Variants in PCDHGB3 observed in about 807,000 individuals in gnomAD.
PCDHGB3 encodes the protein protocadherin gamma subfamily B, 3.
In PCDHGB3, 40 loss-of-function variants were observed where a neutral mutation model predicts 59.2. That is an observed-to-expected ratio of 0.68 (90% CI 0.52 to 0.88). The LOEUF is 0.88. Among genes scored for constraint, PCDHGB3 ranks in the 40% least tolerant of loss-of-function variants. The pLI is 0.00. For missense variants in PCDHGB3, 1,309 were observed against 1,187.9 expected, an observed-to-expected ratio of 1.10 and a Z score of -1.50; for synonymous variants, 581 against 503.6, an observed-to-expected ratio of 1.15 and a Z score of -2.06.
chr5:141,472,263 C>T (rs978647191), intron 1 of PCDHGB3, among the ~76,000 whole-genome samples: 7 of 152,144 alleles, frequency 4.6e-5, no homozygotes, highest in South Asian at 2.1e-4. Flanking sequence ...ATATTATAGC[C>T]GGGCACAGTG....
intron 1 of PCDHGB3, among the ~76,000 whole-genome samples, chr5:141,382,313 T>G (rs1490254305): frequency 1.3e-5 from 2 of 152,226 alleles, no homozygotes; most frequent in African/African-American, 4.8e-5. Flanking sequence ...TTATATACAC[T>G]GATGTAAATA....
intron 1 of PCDHGB3, chr5:141,375,758 G>C (rs1473514742): frequency 1.2e-6 from 2 of 1,614,230 alleles, no homozygotes; most frequent in East Asian, 2.2e-5. Flanking sequence ...GAATGACAAT[G>C]CGCCCGAGAT....
In PCDHGB3 at chr5:141,476,299, C is replaced by G; in HGVS notation, c.2416-18508C>G. On this transcript the variant is annotated intron_variant, in intron 1 of 3. Transcript: ENST00000576222. This position sits in a 1 kb window ranked among gnomAD's most constrained non-coding sequence, Gnocchi z 7.6. The stretch of plus-strand genomic sequence containing the variant: ...ACCTTGGTTTGGATCTCGGTAGCCT[C>G]TCAGCCCGCAGGTTCCGGGTGGTGT... The G allele has an allele frequency of 6.2e-7, 1 of 1,614,100 alleles. No individual in the cohort carries two copies. The highest frequency in any genetic ancestry group is 8.5e-7 in the Non-Finnish European group (1 of 1,180,014).
intron 1 of PCDHGB3, among the ~76,000 whole-genome samples, chr5:141,482,530 C>CAAAAAAAAAAAAAA (rs3074545): frequency 1.2e-4 from 9 of 76,558 alleles, no homozygotes; most frequent in African/African-American, 3.8e-4. Flanking sequence ...GACAGACATG[C>CAAAAAAAAAAAAAA]AAAAAAAAAA....
chr5:141,377,482 G>C (rs1774042121), intron 1 of PCDHGB3: 1 of 152,036 alleles, frequency 6.6e-6, no homozygotes, highest in African/African-American at 2.4e-5. Flanking sequence ...TGTAGTCCCA[G>C]CTACTCGAGA....
In PCDHGB3 at chr5:141,499,676, C is replaced by G. The variant is rs534287777; in HGVS notation, c.2474+4811C>G. On this transcript the variant is annotated intron_variant, in intron 2 of 3. Coordinates refer to ENST00000576222, the MANE Select transcript of PCDHGB3 (RefSeq NM_018924.5). Reference sequence around the variant, plus strand: ...ATAATTTCATCTTGGTCTCCACCATCTTTAACAGATGACTTTTTTTTTTTT... The same window carrying G: ...ATAATTTCATCTTGGTCTCCACCATGTTTAACAGATGACTTTTTTTTTTTT... Among the ~76,000 whole-genome samples, 13 of 144,474 alleles carry G rather than the reference C, an allele frequency of 9.0e-5. No homozygotes were observed. In the South Asian group the frequency reaches 2.9e-3, roughly 33 times the overall value. The allele number at this position is 144,474 out of a possible 152,430, so 94.8% of individuals were successfully genotyped here.
chr5:141,500,232 G>A (rs1024752888), intron 2 of PCDHGB3, among the ~76,000 whole-genome samples: 1 of 137,690 alleles, frequency 7.3e-6, no homozygotes, highest in South Asian at 2.3e-4. Flanking sequence ...TTATTGATAC[G>A]TAGCCTTGCT....
At chr5:141,412,931 T>A in intron 1 of PCDHGB3, 1 of 453,226 alleles carries the variant, frequency 2.2e-6, no homozygotes, top group Non-Finnish European at 3.9e-6. Context: ...CAGTAACTTC[T>A]TAGGACTCTG....
chr5:141,375,635 C>T (rs776372663), intron 1 of PCDHGB3: 4 of 1,614,096 alleles, frequency 2.5e-6, no homozygotes, highest in Non-Finnish European at 1.7e-6. Flanking sequence ...GTACGCCCTG[C>T]GCTCCTTCGA....
At position 141,431,123 on chromosome 5, in the gene PCDHGB3, GAAGT is replaced by G. The variant is rs751548736; in HGVS notation, c.2415+58318_2415+58321del. The G allele has an allele frequency of 1.2e-6, 2 of 1,614,100 alleles. No individual in the cohort carries two copies. The highest frequency in any genetic ancestry group is 3.3e-5 in the Admixed American group (2 of 60,014). On this transcript the variant is annotated intron_variant, in intron 1 of 3. Transcript: ENST00000576222. This position sits in a 1 kb window ranked among gnomAD's most constrained non-coding sequence, Gnocchi z 4.8. ...AGTGAAAATATATGGAGTAGAAGTA[GAAGT>G]AAGGGACATTAACGACAATGCGCCT... is the stretch of plus-strand genomic sequence containing the variant.
At chr5:141,474,607 A>C (rs1334447439) in intron 1 of PCDHGB3, among the ~76,000 whole-genome samples, 1 of 152,238 alleles carries the variant, frequency 6.6e-6, no homozygotes, top group Non-Finnish European at 1.5e-5. Context: ...TAGGTCACAT[A>C]TGGCTTTTCA....
chr5:141,433,460 T>C (rs892333304), intron 1 of PCDHGB3, among the ~76,000 whole-genome samples: 1 of 152,064 alleles, frequency 6.6e-6, no homozygotes, highest in Non-Finnish European at 1.5e-5. Context: ...GATCTGAAAC[T>C]TGGGCTCAGG....
chr5:141,494,736 T>A, intron 1 of PCDHGB3, 71 bp from the exon 2 acceptor site: 2 of 1,611,858 alleles, frequency 1.2e-6, no homozygotes, highest in Non-Finnish European at 1.7e-6. Flanking sequence ...TCCCGGCCCA[T>A]CCCTAGGGGC....
chr5:141,379,889 CTTTTTTTTTTTTTTTTT>C (rs70988800), intron 1 of PCDHGB3, among the ~76,000 whole-genome samples: 16 of 50,830 alleles, frequency 3.1e-4, no homozygotes, highest in East Asian at 2.5e-3. Flanking sequence ...GTGAAAGCCT[CTTTTTTTTTTTTTTTTT>C]TTTTTTTTTT....
At chr5:141,433,266 T>C in intron 1 of PCDHGB3, 1 of 1,315,306 alleles carries the variant, frequency 7.6e-7, no homozygotes, top group Non-Finnish European at 1.1e-6. Flanking sequence ...CGATCATAGC[T>C]CACTGCAGCC....
chr5:141,407,704 T>C (rs977444941), intron 1 of PCDHGB3, among the ~76,000 whole-genome samples: 5 of 152,144 alleles, frequency 3.3e-5, no homozygotes, highest in Admixed American at 1.3e-4. Context: ...TTGTTGAAGG[T>C]GGGGTGATGG....
At chr5:141,461,456 T>C (rs12186717) in intron 1 of PCDHGB3, among the ~76,000 whole-genome samples, 42,391 of 152,030 alleles carry the variant, frequency 0.28, 6,631 homozygotes, top group African/African-American at 0.43. Context: ...AATGGCTATT[T>C]GTGTCCTTTG....
chr5:141,375,414 A>G lies in PCDHGB3; in HGVS notation c.2415+2605A>G, dbSNP rs752900319. The stretch of plus-strand genomic sequence containing the variant: ...ACAATCATCTCTCTAAATGTGGCAG[A>G]CACCAACGACAACCCGCCCACCTTC... On this transcript the variant is annotated intron_variant, in intron 1 of 3. Transcript: ENST00000576222. 21 of 1,613,866 alleles carry G rather than the reference A, an allele frequency of 1.3e-5. No homozygotes were observed. In the South Asian group the frequency reaches 1.6e-4, roughly 13 times the overall value.
intron 1 of PCDHGB3, chr5:141,427,265 C>A (rs767369457): frequency 6.6e-6 from 3 of 456,572 alleles, no homozygotes; most frequent in Non-Finnish European, 8.8e-6. Context: ...GCATGACCAG[C>A]GAATGTAAAA....
Sources: gnomAD v4.1 joint callset for allele counts (sites outside exome capture counted in the v4.1 genomes callset) on GRCh38, gnomAD v4.1.1 for gene constraint, Gnocchi (gnomAD v3.1) non-coding constraint, MANE v1.5 for transcripts, NCBI Gene and HGNC (gene_info 2026-07-23, HGNC 2026-07-21) for gene names.